TOLLIP: variants seen among roughly 807,000 people sequenced by gnomAD.
The protein encoded by TOLLIP is toll-interacting protein.
Under a neutral mutation model 33.5 loss-of-function variants are expected in TOLLIP, and 16 were observed. That is an observed-to-expected ratio of 0.48 (90% CI 0.32 to 0.72). The LOEUF (loss-of-function observed/expected upper bound fraction) is 0.72, where lower values mean the gene tolerates loss of function less well. TOLLIP is among the 30% of genes least tolerant of loss of function. The probability of loss-of-function intolerance (pLI) is 0.03; values close to 1 mark genes in which losing one functional copy is unlikely to be tolerated. For synonymous variants in TOLLIP, 176 were observed against 163.7 expected (o/e 1.07, Z -0.57); for missense variants, 325 against 396.6 (o/e 0.82, Z 1.53).
At chr11:1,307,790 C>T (rs1033809576) in intron 1 of TOLLIP, among the ~76,000 whole-genome samples, 8 of 152,196 alleles carry the variant, frequency 5.3e-5, no homozygotes, top group African/African-American at 1.7e-4. Context: ...GGACCTCTGC[C>T]GACCCGTAGG....
At chr11:1,304,768 T>A in intron 1 of TOLLIP, among the ~76,000 whole-genome samples, 1 of 151,926 alleles carries the variant, frequency 6.6e-6, no homozygotes, top group South Asian at 2.1e-4. Flanking sequence ...TTTTTAAAAC[T>A]CCATTTAATA....
intron 2 of TOLLIP, among the ~76,000 whole-genome samples, chr11:1,293,112 C>G (rs1324912634): frequency 1.3e-5 from 2 of 152,106 alleles, no homozygotes; most frequent in Non-Finnish European, 2.9e-5. Context: ...GAGGGTCAGG[C>G]CTGAAGGGCA....
At position 1,288,735 on chromosome 11, in the gene TOLLIP, G is replaced by T; in HGVS notation, c.408C>A (p.Ile136=). 6.2e-7 allele frequency: 1 copy of T among 1,612,876 alleles called. No individual in the cohort carries two copies. Among genetic ancestry groups the T allele is most frequent in the Non-Finnish European group, 8.5e-7 (1 of 1,179,828 alleles). The change falls in exon 4 of 6, where the codon ATC becomes ATA. Residue 136 remains isoleucine (I), a synonymous_variant. Transcript: ENST00000317204. ...SMDDRIAWTH[I]TIPESLRQGK... ...CCTGCCTCAGGGACTCCGGGATGGT[G>T]ATGTGGGTCCAGGCAATGCGGTCGT...
At position 1,278,796 on chromosome 11, in the gene TOLLIP, C is replaced by T. The variant is rs998590401; in HGVS notation, c.611-1543G>A. 2.0e-5 allele frequency among the ~76,000 whole-genome samples: 3 copies of T among 152,224 alleles called. No homozygotes were observed. The highest frequency in any genetic ancestry group is 4.4e-5 in the Non-Finnish European group (3 of 68,046). The stretch of plus-strand genomic sequence containing the variant: ...GGCCAGGTGGGGACGTGGCCACCCT[C>T]ACCACCCTTTCTTCTTCCTCAAACA... On this transcript the variant is annotated intron_variant, in intron 5 of 5. Transcript: ENST00000317204. This position sits in a 1 kb window ranked among gnomAD's most constrained non-coding sequence, Gnocchi z 4.7.
chr11:1,295,595 C>G (rs763332463), intron 2 of TOLLIP, 50 bp downstream of exon 2: 1 of 1,451,836 alleles, frequency 6.9e-7, no homozygotes, highest in Admixed American at 2.3e-5. Flanking sequence ...AATCCCACCC[C>G]CACCGAGCGC....
intron 1 of TOLLIP, chr11:1,298,115 T>G (rs1352429965): frequency 5.9e-5 from 9 of 152,300 alleles, no homozygotes; most frequent in Admixed American, 5.9e-4. Flanking sequence ...AGAAACAGAC[T>G]CGTGCTAACC....
chr11:1,302,782 C>T lies in TOLLIP; in HGVS notation c.33+6684G>A, dbSNP rs562973418. On this transcript the variant is annotated intron_variant, in intron 1 of 5. Coordinates refer to ENST00000317204, the MANE Select transcript of TOLLIP (RefSeq NM_019009.4). ...ACTGCTCTTGGCAAGGCAGCTCCCACGCCAGTGTGGACGGGCAGTGGTGAC... is the reference window on the plus strand; with the variant it reads ...ACTGCTCTTGGCAAGGCAGCTCCCATGCCAGTGTGGACGGGCAGTGGTGAC... The T allele has an allele frequency of 1.1e-5, 11 of 985,612 alleles. No homozygotes were observed. In the East Asian group the frequency reaches 7.9e-4, roughly 71 times the overall value. 61.1% of individuals were successfully genotyped at this position (985,612 alleles called of 1,614,324 possible).
At chr11:1,293,696 G>A (rs372005060) in intron 2 of TOLLIP, among the ~76,000 whole-genome samples, 5 of 152,370 alleles carry the variant, frequency 3.3e-5, no homozygotes, top group East Asian at 1.9e-4. Context: ...GGCCAGAGGC[G>A]TGGGCAACGC....
At chr11:1,299,064 G>A (rs1417575041) in intron 1 of TOLLIP, among the ~76,000 whole-genome samples, 2 of 152,240 alleles carry the variant, frequency 1.3e-5, no homozygotes, top group African/African-American at 2.4e-5. Flanking sequence ...CCAGCTCAGC[G>A]CCACAGCTGT....
intron 5 of TOLLIP, among the ~76,000 whole-genome samples, chr11:1,285,139 C>A (rs913830318): frequency 3.3e-5 from 5 of 152,180 alleles, no homozygotes; most frequent in Non-Finnish European, 7.4e-5. Flanking sequence ...CCGAGACCCT[C>A]CCCTAACACC....
intron 5 of TOLLIP, among the ~76,000 whole-genome samples, chr11:1,284,020 T>G (rs895383829): frequency 6.6e-6 from 1 of 152,190 alleles, no homozygotes; most frequent in African/African-American, 2.4e-5. Context: ...AGAAGGCACT[T>G]TGACCCCACG....
At chr11:1,302,241 C>T (rs551711620) in intron 1 of TOLLIP, among the ~76,000 whole-genome samples, 45 of 152,360 alleles carry the variant, frequency 3.0e-4, no homozygotes, top group African/African-American at 9.1e-4. Flanking sequence ...GGCGGGAACG[C>T]GCACCAGGGC....
At chr11:1,308,340 G>A (rs5743857) in intron 1 of TOLLIP, among the ~76,000 whole-genome samples, 9,975 of 152,302 alleles carry the variant, frequency 0.065, 373 homozygotes, top group Admixed American at 0.11. Context: ...TGCTGCTTTC[G>A]CCATGTGACG....
intron 5 of TOLLIP, among the ~76,000 whole-genome samples, chr11:1,280,726 G>C (rs954783761): frequency 6.6e-6 from 1 of 152,042 alleles, no homozygotes; most frequent in African/African-American, 2.4e-5. Context: ...GCAGAAGGAG[G>C]TGGAAAGCAA....
intron 5 of TOLLIP, among the ~76,000 whole-genome samples, chr11:1,279,517 G>A (rs974900552): frequency 1.3e-5 from 2 of 152,194 alleles, no homozygotes; most frequent in African/African-American, 2.4e-5. Context: ...CAGAGAGGAC[G>A]CCATGGGAGC....
chr11:1,283,668 C>A, intron 5 of TOLLIP: 1 of 433,994 alleles, frequency 2.3e-6, no homozygotes, highest in Non-Finnish European at 4.6e-6. Context: ...ACTTGAAAGG[C>A]ATCTACAAAG....
chr11:1,302,069 G>A (rs975587804), intron 1 of TOLLIP, among the ~76,000 whole-genome samples: 1 of 152,242 alleles, frequency 6.6e-6, no homozygotes, highest in Non-Finnish European at 1.5e-5. Context: ...GCCCTGCCTT[G>A]AAGGCCCTGC....
intron 1 of TOLLIP, among the ~76,000 whole-genome samples, chr11:1,308,974 G>A (rs56000022): frequency 1.3e-5 from 2 of 151,128 alleles, no homozygotes; most frequent in African/African-American, 4.9e-5. Flanking sequence ...AGGGAGCAGG[G>A]CCCGCATCCA....
chr11:1,280,345 C>T (rs1261812181), intron 5 of TOLLIP, among the ~76,000 whole-genome samples: 1 of 152,186 alleles, frequency 6.6e-6, no homozygotes, highest in Non-Finnish European at 1.5e-5. Context: ...CTATGGGCCT[C>T]CCCCTTGTCC....
Sources: gnomAD v4.1 joint callset for allele counts (sites outside exome capture counted in the v4.1 genomes callset) on GRCh38, gnomAD v4.1.1 for gene constraint, Gnocchi (gnomAD v3.1) non-coding constraint, MANE v1.5 for transcripts, NCBI Gene and HGNC (gene_info 2026-07-23, HGNC 2026-07-21) for gene names.